The following NFX1 variants were observed in gnomAD, a reference collection of about 807,000 sequenced individuals.
The protein encoded by NFX1 is transcriptional repressor NF-X1.
NFX1 carries 69 observed loss-of-function variants against 137.2 expected under a neutral mutation model. The observed-to-expected ratio is 0.50, with a 90% CI of 0.41 to 0.61. NFX1 has a LOEUF of 0.61. Among genes scored for constraint, NFX1 ranks in the 20% least tolerant of loss-of-function variants. The pLI, the probability that NFX1 is intolerant of heterozygous loss-of-function variation, is 0.00. For missense variants in NFX1, 1,167 were observed against 1,391.0 expected, an observed-to-expected ratio of 0.84 and a Z score of 2.56; for synonymous variants, 495 against 474.1, an observed-to-expected ratio of 1.04 and a Z score of -0.57.
intron 7 of NFX1, among the ~76,000 whole-genome samples, chr9:33,317,343 C>T (rs116196461): frequency 0.021 from 3,133 of 146,502 alleles, 127 homozygotes; most frequent in African/African-American, 0.076. Context: ...TGCTTGAGCC[C>T]GGGAGTTTGA....
At chr9:33,347,865 T>A (rs1045516414) in intron 15 of NFX1, 1 of 164,594 alleles carries the variant, frequency 6.1e-6, no homozygotes, top group African/African-American at 2.4e-5. Flanking sequence ...AACGAAATAA[T>A]GGCATTCACA....
intron 22 of NFX1, 26 bp from the exon 23 acceptor site, chr9:33,367,489 A>G (rs984127766): frequency 3.1e-6 from 5 of 1,609,582 alleles, no homozygotes; most frequent in East Asian, 2.2e-5. Flanking sequence ...TCACTTTTCA[A>G]TGCTTGGTGT....
At chr9:33,291,113 C>A (rs1243335695) in intron 1 of NFX1, among the ~76,000 whole-genome samples, 3 of 152,198 alleles carry the variant, frequency 2.0e-5, no homozygotes, top group African/African-American at 7.2e-5. Context: ...TGATGGCTCC[C>A]GCCCTGTACT....
intron 5 of NFX1, among the ~76,000 whole-genome samples, chr9:33,308,276 T>C (rs1431989930): frequency 6.6e-6 from 1 of 151,992 alleles, no homozygotes; most frequent in Non-Finnish European, 1.5e-5. Context: ...ACCCCGTCTC[T>C]ACAAAAAAAT....
chr9:33,308,481 T>A (rs1419387264), intron 5 of NFX1, among the ~76,000 whole-genome samples: 1 of 152,126 alleles, frequency 6.6e-6, no homozygotes, highest in African/African-American at 2.4e-5. Context: ...CTGTATGCAG[T>A]CAGCTTCTAA....
At chr9:33,292,193 T>G (rs1821186781) in intron 1 of NFX1, among the ~76,000 whole-genome samples, 1 of 152,238 alleles carries the variant, frequency 6.6e-6, no homozygotes, top group South Asian at 2.1e-4. Context: ...ACCCAGAAAG[T>G]ATCTAATGAG....
At chr9:33,341,083 C>T (rs890584250) in intron 12 of NFX1, among the ~76,000 whole-genome samples, 2 of 152,220 alleles carry the variant, frequency 1.3e-5, no homozygotes, top group African/African-American at 4.8e-5. Context: ...GTGCCCCACT[C>T]TGCTGGTACC....
chr9:33,327,266 C>T (rs1183966507), intron 9 of NFX1, among the ~76,000 whole-genome samples: 2 of 152,196 alleles, frequency 1.3e-5, no homozygotes, highest in Admixed American at 1.3e-4. Context: ...CTCAAGCAGT[C>T]CTCCCACCTT....
chr9:33,322,412 C>G (rs1436193260), intron 9 of NFX1, among the ~76,000 whole-genome samples: 1 of 152,010 alleles, frequency 6.6e-6, no homozygotes, highest in Non-Finnish European at 1.5e-5. Flanking sequence ...CTTCTTCTCC[C>G]CTCAGCTCCC....
At chr9:33,358,869 T>G (rs1320476997) in intron 19 of NFX1, among the ~76,000 whole-genome samples, 14 of 144,518 alleles carry the variant, frequency 9.7e-5, no homozygotes, top group African/African-American at 2.0e-4. Flanking sequence ...AATTTTTTTG[T>G]TTTTTTTTTG....
chr9:33,307,227 A>C lies in NFX1; in HGVS notation c.1304A>C (p.Glu435Ala). 6.2e-7 allele frequency: 1 copy of C among 1,614,176 alleles called. No homozygotes were observed. The highest frequency in any genetic ancestry group is 8.5e-7 in the Non-Finnish European group (1 of 1,180,008). ...KVKNPEWSRN[E>A]IPHSCGEVCR... ...AAGAATCCTGAGTGGAGCAGAAATG[A>C]AATTCCACATAGCTGTGGTGAGGTT... Residue 435 changes from glutamate to alanine, a missense_variant, in exon 5 of 24, where the codon GAA (glutamate) becomes GCA (alanine). Glu to Ala is a moderately radical substitution (Grantham distance 107). Around this residue, in one of 3 missense-constraint regions of NFX1, gnomAD observed 488 missense variants for 691.5 expected, o/e 0.71. Coordinates refer to ENST00000379540, the MANE Select transcript of NFX1 (RefSeq NM_002504.6).
chr9:33,358,647 A>ATTTTTTTTTTT lies in NFX1; in HGVS notation c.2873+3778_2873+3788dup, dbSNP rs61589629. Among the ~76,000 whole-genome samples, 14 of 48,472 alleles carry ATTTTTTTTTTT rather than the reference A, an allele frequency of 2.9e-4. 2 individuals carry two copies. Among genetic ancestry groups the ATTTTTTTTTTT allele is most frequent in the African/African-American group, 6.0e-4 (7 of 11,594 alleles). 31.8% of individuals were successfully genotyped at this position (48,472 alleles called of 152,430 possible). On this transcript the variant is annotated intron_variant, in intron 19 of 23. Transcript: ENST00000379540. Reference sequence around the variant, plus strand: ...GCAAAAAAATTCTGTGAATGGCTTGATTTTTTTTTTTTTTTTTTTTTTTTT... The same window carrying ATTTTTTTTTTT: ...GCAAAAAAATTCTGTGAATGGCTTGATTTTTTTTTTTTTTTTTTTTTTTTTTTTTTTTTTTT...
intron 10 of NFX1, among the ~76,000 whole-genome samples, chr9:33,330,313 G>A (rs79470721): frequency 1.3e-5 from 2 of 152,126 alleles, no homozygotes. Context: ...CATCTGACTT[G>A]CGAATAATTC....
chr9:33,294,688 C>T lies in NFX1; in HGVS notation c.294C>T (p.Ser98=). 6.2e-7 allele frequency: 1 copy of T among 1,614,132 alleles called. No homozygotes were observed. Among genetic ancestry groups the T allele is most frequent in the Non-Finnish European group, 8.5e-7 (1 of 1,180,044 alleles). The part of the protein sequence containing the change: ...QSSPCNKSPK[S]HGLQNQPWQK... ...CTCCTTGTAATAAATCGCCCAAGAG[C>T]CATGGCCTTCAGAATCAACCTTGGC... Residue 98 remains serine, a synonymous_variant, in exon 2 of 24, where the codon AGC becomes AGT. Transcript: ENST00000379540.
At chr9:33,352,942 T>C in intron 17 of NFX1, 1 of 490,396 alleles carries the variant, frequency 2.0e-6, no homozygotes, top group Non-Finnish European at 3.7e-6. Context: ...TTTGTTTTGT[T>C]TTGTTTTATT....
In NFX1 at chr9:33,325,215, T is replaced by C. The variant is rs149133904; in HGVS notation, c.1907-3366T>C. Among the ~76,000 whole-genome samples, 842 of 152,280 alleles carry C rather than the reference T, an allele frequency of 5.5e-3. 9 individuals carry two copies. Among genetic ancestry groups the C allele is most frequent in the Non-Finnish European group, 7.0e-3 (479 of 68,010 alleles). On this transcript the variant is annotated intron_variant, in intron 9 of 23. Transcript: ENST00000379540. ...ATATAATAAAAATGCTAAAAGTTAA[T>C]GATAAGGAGAAAGTCTTGAAAGCAG...
Position 33,294,740 on chromosome 9 carries a change from A to G in NFX1, c.346A>G (p.Ile116Val), listed in dbSNP as rs200094650. The G allele has an allele frequency of 1.1e-4, 171 of 1,614,016 alleles. 1 individual carries two copies. The highest frequency in any genetic ancestry group is 1.4e-4 in the Non-Finnish European group (165 of 1,180,040). ...GAAATTGAGGAATGAGAAGCACCATATCAGAGTCAAGAAAGCACAGAGTCT... is the reference window on the plus strand; with the variant it reads ...GAAATTGAGGAATGAGAAGCACCATGTCAGAGTCAAGAAAGCACAGAGTCT... ...WQKLRNEKHH[I>V]RVKKAQSLAE... The change falls in exon 2 of 24, where the codon ATC becomes GTC. Residue 116 changes from isoleucine (I) to valine (V), a missense_variant. Around this residue, in one of 3 missense-constraint regions of NFX1, gnomAD observed 367 missense variants for 386.7 expected, o/e 0.95. Coordinates refer to ENST00000379540, the MANE Select transcript of NFX1 (RefSeq NM_002504.6).
Position 33,311,132 on chromosome 9 carries a change from C to T in NFX1, c.1403C>T (p.Pro468Leu), listed in dbSNP as rs1408542975. The T allele has an allele frequency of 6.2e-7, 1 of 1,614,174 alleles. No homozygotes were observed. Among genetic ancestry groups the T allele is most frequent in the Non-Finnish European group, 8.5e-7 (1 of 1,180,014 alleles). ...CTCTGCCATCCAGGACCCTGCCCAC[C>T]CTGCCCTGCCTTTATGACAAAAACA... ...NLLCHPGPCP[P>L]CPAFMTKTCE... is the part of the protein sequence containing the mutation. The change falls in exon 6 of 24, where the codon CCC becomes CTC. Residue 468 changes from proline to leucine, a missense_variant. Physicochemically the swap from Pro to Leu is moderately conservative, Grantham distance 98. Around this residue, in one of 3 missense-constraint regions of NFX1, gnomAD observed 488 missense variants for 691.5 expected, o/e 0.71. Transcript: ENST00000379540.
In NFX1 at chr9:33,303,132, T is replaced by A. The variant is rs550638489; in HGVS notation, c.1193-59T>A. 53 of 1,357,948 alleles carry A rather than the reference T, an allele frequency of 3.9e-5. 2 individuals carry two copies. In the Middle Eastern group the frequency reaches 5.4e-4, roughly 14 times the overall value. 84.1% of individuals were successfully genotyped at this position (1,357,948 alleles called of 1,614,324 possible). A position where few individuals can be genotyped will look rare whatever the true frequency, so the allele number is the denominator to read the frequency against. On this transcript the variant is annotated intron_variant, in intron 3 of 23. Coordinates refer to ENST00000379540, the MANE Select transcript of NFX1 (RefSeq NM_002504.6). ...GTCTTCCTATAGATTTAAATTTTTT[T>A]AATTACATGTAGCTTTTGGAAGAAA...
Sources: allele counts gnomAD v4.1 joint callset (sites outside exome capture counted in the v4.1 genomes callset), GRCh38; gene constraint gnomAD v4.1.1; regional missense constraint gnomAD v4.1.1; transcripts MANE v1.5; gene names NCBI Gene and HGNC (gene_info 2026-07-23, HGNC 2026-07-21).